The following DAAM1 variants were observed in gnomAD, a reference collection of about 807,000 sequenced individuals.
The protein encoded by DAAM1 is dishevelled associated activator of morphogenesis 1.
DAAM1 carries 52 observed loss-of-function variants against 130.0 expected under a neutral mutation model. That is an observed-to-expected ratio of 0.40 (90% CI 0.32 to 0.50). DAAM1 has a LOEUF of 0.50. DAAM1 is among the 20% of genes least tolerant of loss of function. The pLI, the probability that DAAM1 is intolerant of heterozygous loss-of-function variation, is 0.61. For missense variants in DAAM1, 1,134 were observed against 1,303.8 expected (o/e 0.87, Z 2.01); for synonymous variants, 452 against 444.5 (o/e 1.02, Z -0.21).
intron 21 of DAAM1, 57 bp downstream of exon 21, chr14:59,359,561 T>C (rs1488482906): frequency 7.4e-7 from 1 of 1,356,212 alleles, no homozygotes; most frequent in Non-Finnish European, 1.0e-6. Context: ...GTGTTAGCCA[T>C]TGAGGTAGTT....
chr14:59,198,018 A>G (rs1887960395), intron 1 of DAAM1, among the ~76,000 whole-genome samples: 1 of 152,118 alleles, frequency 6.6e-6, no homozygotes, highest in Non-Finnish European at 1.5e-5. Flanking sequence ...AGAGGGGAGG[A>G]CAGAGAGAGT....
At chr14:59,196,861 G>C (rs1355115142) in intron 1 of DAAM1, among the ~76,000 whole-genome samples, 1 of 152,240 alleles carries the variant, frequency 6.6e-6, no homozygotes, top group African/African-American at 2.4e-5. Flanking sequence ...ATTCTTGAAA[G>C]TTGGTGAAAT....
intron 3 of DAAM1, among the ~76,000 whole-genome samples, chr14:59,308,534 G>A (rs1205237918): frequency 2.0e-5 from 3 of 152,078 alleles, no homozygotes; most frequent in African/African-American, 4.8e-5. Context: ...GTTCATGAGA[G>A]TGCTAGTTCC....
intron 1 of DAAM1, among the ~76,000 whole-genome samples, chr14:59,255,990 A>G (rs1881866131): frequency 1.3e-5 from 2 of 148,310 alleles, no homozygotes; most frequent in South Asian, 4.5e-4. Context: ...GCATATCTTG[A>G]CTGCCATTTC....
At chr14:59,237,614 A>C (rs1293889789) in intron 1 of DAAM1, among the ~76,000 whole-genome samples, 1 of 152,152 alleles carries the variant, frequency 6.6e-6, no homozygotes, top group African/African-American at 2.4e-5. Context: ...CTACATTTGA[A>C]AACTTGAATT....
intron 17 of DAAM1, among the ~76,000 whole-genome samples, chr14:59,349,408 C>T (rs955972891): frequency 6.6e-6 from 1 of 152,262 alleles, no homozygotes; most frequent in Admixed American, 6.5e-5. Flanking sequence ...AACCAGTCTA[C>T]TGAAGCAGAA....
At chr14:59,270,235 A>G (rs955595836) in intron 2 of DAAM1, among the ~76,000 whole-genome samples, 18 of 152,260 alleles carry the variant, frequency 1.2e-4, no homozygotes, top group Middle Eastern at 6.8e-3. Flanking sequence ...ATAGAGAAAA[A>G]AATTATAGCT....
intron 1 of DAAM1, among the ~76,000 whole-genome samples, chr14:59,215,637 G>A (rs148669040): frequency 7.4e-4 from 113 of 152,342 alleles, no homozygotes; most frequent in Non-Finnish European, 1.4e-3. Context: ...ACAGTAGTAA[G>A]CAGGCAAGTC....
chr14:59,280,535 C>CTTTTTTTTTTTTTTTTTTTTTTTT (rs35354608), intron 2 of DAAM1, among the ~76,000 whole-genome samples: 2 of 90,658 alleles, frequency 2.2e-5, no homozygotes, highest in Non-Finnish European at 4.1e-5. Context: ...GCACACCTTC[C>CTTTTTTTTTTTTTTTTTTTTTTTT]TTTTTTTTTT....
intron 2 of DAAM1, among the ~76,000 whole-genome samples, chr14:59,280,371 G>A (rs1883155097): frequency 6.6e-6 from 1 of 151,988 alleles, no homozygotes; most frequent in South Asian, 2.1e-4. Flanking sequence ...GGAGGTCAAG[G>A]TTACAGTGAG....
At chr14:59,317,394 G>A (rs979210425) in intron 4 of DAAM1, among the ~76,000 whole-genome samples, 2 of 152,070 alleles carry the variant, frequency 1.3e-5, no homozygotes, top group Admixed American at 6.6e-5. Flanking sequence ...TGCCACCACC[G>A]CCTTGCATAG....
intron 3 of DAAM1, among the ~76,000 whole-genome samples, chr14:59,293,218 G>T (rs761860617): frequency 6.6e-6 from 1 of 152,202 alleles, no homozygotes; most frequent in African/African-American, 2.4e-5. Flanking sequence ...GAAAATAGGA[G>T]CAGCTTACTG....
intron 1 of DAAM1, among the ~76,000 whole-genome samples, chr14:59,218,100 T>A (rs1888649197): frequency 6.6e-6 from 1 of 152,142 alleles, no homozygotes; most frequent in South Asian, 2.1e-4. Context: ...GCCACTGTAC[T>A]TCAGCCTGGG....
At chr14:59,230,286 G>C (rs147061082) in intron 1 of DAAM1, among the ~76,000 whole-genome samples, 8 of 150,518 alleles carry the variant, frequency 5.3e-5, no homozygotes, top group South Asian at 4.3e-4. Context: ...TGCAGCCGAG[G>C]GGGGTGATGC....
At chr14:59,367,280 C>T (rs773687813) in intron 23 of DAAM1, 149 bp from the exon 24 acceptor site, 19 of 1,345,294 alleles carry the variant, frequency 1.4e-5, no homozygotes, top group Non-Finnish European at 1.7e-5. Flanking sequence ...GGCGAAACTC[C>T]ATCTCCAAAA....
At chr14:59,359,095 G>C (rs1172338879) in intron 20 of DAAM1, among the ~76,000 whole-genome samples, 1 of 152,130 alleles carries the variant, frequency 6.6e-6, no homozygotes, top group Non-Finnish European at 1.5e-5. Flanking sequence ...ACATTACCCA[G>C]ATTTTGAAAG....
chr14:59,256,288 A>C (rs940044705), intron 1 of DAAM1, among the ~76,000 whole-genome samples: 8 of 152,176 alleles, frequency 5.3e-5, no homozygotes, highest in African/African-American at 1.7e-4. Flanking sequence ...GTTGTTCTCC[A>C]ATGTTTTATC....
At chr14:59,292,240 T>A (rs932888065) in intron 3 of DAAM1, among the ~76,000 whole-genome samples, 2 of 152,212 alleles carry the variant, frequency 1.3e-5, no homozygotes, top group African/African-American at 4.8e-5. Flanking sequence ...GACACTTTGA[T>A]GACTCACTCT....
intron 1 of DAAM1, among the ~76,000 whole-genome samples, chr14:59,232,752 C>T (rs1354945426): frequency 1.3e-5 from 2 of 151,746 alleles, no homozygotes; most frequent in Non-Finnish European, 2.9e-5. Flanking sequence ...GGTTTTGAGT[C>T]CTGCATGCAC....
Sources: gnomAD v4.1 joint callset for allele counts (sites outside exome capture counted in the v4.1 genomes callset) on GRCh38, gnomAD v4.1.1 for gene constraint, MANE v1.5 for transcripts, NCBI Gene and HGNC (gene_info 2026-07-23, HGNC 2026-07-21) for gene names.